Variants in MCM6 observed in about 807,000 individuals in gnomAD.
MCM6 encodes the protein DNA replication licensing factor MCM6.
A neutral mutation model predicts 94.3 loss-of-function variants in MCM6; 46 were observed. That is an observed-to-expected ratio of 0.49 (90% CI 0.39 to 0.62). The LOEUF (loss-of-function observed/expected upper bound fraction) is 0.62, where lower values mean the gene tolerates loss of function less well. Among genes scored for constraint, MCM6 ranks in the 20% least tolerant of loss-of-function variants. The pLI is 0.00. For synonymous variants in MCM6, 335 were observed against 351.9 expected (o/e 0.95, Z 0.54); for missense variants, 865 against 1,017.9 (o/e 0.85, Z 2.04).
intron 11 of MCM6, 43 bp from the exon 12 acceptor site, chr2:135,852,958 T>G (rs1229886831): frequency 6.5e-7 from 1 of 1,547,640 alleles, no homozygotes; most frequent in South Asian, 1.2e-5. Context: ...CACAGCAATA[T>G]CTTCTCCAGA....
At chr2:135,855,137 C>T (rs145934565) in intron 11 of MCM6, among the ~76,000 whole-genome samples, 10 of 152,230 alleles carry the variant, frequency 6.6e-5, no homozygotes, top group African/African-American at 2.4e-4. Flanking sequence ...GTCTGGGCAA[C>T]AGAGTGAGAC....
intron 11 of MCM6, among the ~76,000 whole-genome samples, chr2:135,855,582 C>T (rs1679857211): frequency 6.6e-6 from 1 of 152,138 alleles, no homozygotes; most frequent in African/African-American, 2.4e-5. Context: ...AGGAGGATCA[C>T]TGGAACCCAG....
intron 8 of MCM6, 113 bp downstream of exon 8, chr2:135,862,492 CAT>C (rs1259224483): frequency 2.7e-6 from 3 of 1,118,902 alleles, no homozygotes; most frequent in South Asian, 1.6e-5. Flanking sequence ...ATATATTCAA[CAT>C]AGTCATAATT....
intron 3 of MCM6, 48 bp downstream of exon 3, chr2:135,870,203 C>T: frequency 1.4e-6 from 2 of 1,389,404 alleles, no homozygotes; most frequent in Non-Finnish European, 2.0e-6. Context: ...CTAAGTGGTA[C>T]TTATACCATT....
At chr2:135,851,332 T>C in intron 13 of MCM6, 70 bp downstream of exon 13, 2 of 1,253,096 alleles carry the variant, frequency 1.6e-6, no homozygotes, top group East Asian at 2.4e-5. Context: ...GTATGTCCCA[T>C]ACCAAAGATT....
chr2:135,848,018 T>C (rs1679703224), intron 14 of MCM6, 35 bp downstream of exon 14: 11 of 1,559,950 alleles, frequency 7.1e-6, no homozygotes, highest in African/African-American at 1.4e-5. Context: ...TTTTGGTCCC[T>C]AACTCCAAAA....
chr2:135,853,495 T>C (rs1227190022), intron 11 of MCM6, among the ~76,000 whole-genome samples: 1 of 152,064 alleles, frequency 6.6e-6, no homozygotes, highest in African/African-American at 2.4e-5. Context: ...GCCCTCAGTG[T>C]ATGAGACACT....
At chr2:135,849,811 A>G (rs1679739677) in intron 13 of MCM6, among the ~76,000 whole-genome samples, 1 of 152,222 alleles carries the variant, frequency 6.6e-6, no homozygotes, top group East Asian at 1.9e-4. Flanking sequence ...AGCTAGGTAA[A>G]TAATGGGAGA....
In MCM6 at chr2:135,859,284, G is replaced by C; in HGVS notation, c.1362+17C>G. 1 of 1,605,008 alleles carries C rather than the reference G, an allele frequency of 6.2e-7. No homozygotes were observed. The highest frequency in any genetic ancestry group is 8.5e-7 in the Non-Finnish European group (1 of 1,173,572). ...TATTCTGACTTCTTTATACTGAAGA[G>C]TGTAAAATGTTCTTACATTATCAGC... On this transcript the variant is annotated intron_variant, in intron 9 of 16. Transcript: ENST00000264156.
chr2:135,844,781 TAGATAA>T, intron 15 of MCM6, 97 bp from the exon 16 acceptor site: 1 of 1,260,580 alleles, frequency 7.9e-7, no homozygotes, highest in Non-Finnish European at 1.0e-6. Context: ...ATGTACAGAT[TAGATAA>T]ATGTCAAGCC....
At chr2:135,852,955 A>T (rs182004250) in intron 11 of MCM6, 40 bp from the exon 12 acceptor site, 2 of 1,556,684 alleles carry the variant, frequency 1.3e-6, no homozygotes, top group African/African-American at 1.4e-5. Context: ...AGTCACAGCA[A>T]TATCTTCTCC....
At position 135,840,940 on chromosome 2, in the gene MCM6, T is replaced by C; in HGVS notation, c.2361A>G (p.Leu787=). 6.2e-7 allele frequency: 1 copy of C among 1,612,768 alleles called. No homozygotes were observed. ...TCAATCCAGCCTGGGTGAGCTCAATTAGAACATGATCCTGTGAAACACAAA... is the reference window on the plus strand; with the variant it reads ...TCAATCCAGCCTGGGTGAGCTCAATCAGAACATGATCCTGTGAAACACAAA... ...IHRLTHYDHV[L]IELTQAGLKG... The change falls in exon 17 of 17, where the codon CTA becomes CTG. Residue 787 remains leucine, a synonymous_variant. Coordinates refer to ENST00000264156, the MANE Select transcript of MCM6 (RefSeq NM_005915.6).
chr2:135,868,089 T>C (rs1268170899), intron 4 of MCM6, among the ~76,000 whole-genome samples: 1 of 151,986 alleles, frequency 6.6e-6, no homozygotes, highest in Non-Finnish European at 1.5e-5. Context: ...CTTCCCACTA[T>C]ATTCCCACTG....
intron 4 of MCM6, among the ~76,000 whole-genome samples, chr2:135,868,072 AAACT>A (rs1680133523): frequency 6.6e-6 from 1 of 152,026 alleles, no homozygotes; most frequent in Admixed American, 6.6e-5. Flanking sequence ...CCACACACAC[AAACT>A]ACCTTCCCAC....
rs772705541 is a variant in MCM6, at chr2:135,872,857, C to A, written c.108-14G>T. On this transcript the variant is annotated splice_polypyrimidine_tract_variant and intron_variant, in intron 1 of 16. Coordinates refer to ENST00000264156, the MANE Select transcript of MCM6 (RefSeq NM_005915.6). ...CTGCTCTGAAACCTGCAGGTACATT[C>A]GAGTCAACTAGATTAAGGACACAGG... The A allele has an allele frequency of 1.2e-6, 2 of 1,613,042 alleles. No homozygotes were observed. The highest frequency in any genetic ancestry group is 1.1e-5 in the South Asian group (1 of 90,972).
chr2:135,872,975 G>C (rs1421787842), intron 1 of MCM6, 132 bp from the exon 2 acceptor site: 3 of 1,066,090 alleles, frequency 2.8e-6, no homozygotes, highest in African/African-American at 1.6e-5. Context: ...CTGTAACTTG[G>C]GGCAAGTTAC....
At position 135,839,708 on chromosome 2, in the gene MCM6, G is replaced by A. The variant is rs373760362; in HGVS notation, c.*1127C>T. The A allele has an allele frequency of 2.0e-5, 3 of 152,186 alleles. No individual in the cohort carries two copies. Among genetic ancestry groups the A allele is most frequent in the African/African-American group, 7.2e-5 (3 of 41,434 alleles). 9.4% of individuals were successfully genotyped at this position (152,186 alleles called of 1,614,324 possible). ...TACATTTTGACAAGGTTTCATACAA[G>A]TTGATTCCAGGGAAAGAGATAATTA... is the stretch of plus-strand genomic sequence containing the variant. On this transcript the variant is annotated 3_prime_UTR_variant, in exon 17 of 17. Coordinates refer to ENST00000264156, the MANE Select transcript of MCM6 (RefSeq NM_005915.6).
intron 6 of MCM6, 32 bp from the exon 7 acceptor site, chr2:135,865,195 G>A: frequency 7.3e-7 from 1 of 1,360,914 alleles, no homozygotes; most frequent in Non-Finnish European, 9.6e-7. Context: ...AGAATCATTA[G>A]TATAGAAGCA....
intron 4 of MCM6, among the ~76,000 whole-genome samples, chr2:135,868,046 C>A (rs559557258): frequency 1.3e-5 from 2 of 151,724 alleles, no homozygotes; most frequent in East Asian, 3.9e-4. Flanking sequence ...AAAAACAAAA[C>A]AAAACAAACA....
Sources: allele counts gnomAD v4.1 joint callset (sites outside exome capture counted in the v4.1 genomes callset), GRCh38; gene constraint gnomAD v4.1.1; transcripts MANE v1.5; gene names NCBI Gene and HGNC (gene_info 2026-07-23, HGNC 2026-07-21).